BCAS3: variants seen among roughly 807,000 people sequenced by gnomAD.
BCAS3 encodes the protein BCAS4/BCAS3 fusion.
A neutral mutation model predicts 116.1 loss-of-function variants in BCAS3; 53 were observed. The ratio of observed to expected loss-of-function variants is 0.46; its 90% confidence interval spans 0.37 to 0.57. The LOEUF is 0.57. Among genes scored for constraint, BCAS3 ranks in the 20% least tolerant of loss-of-function variants. The pLI, the probability that BCAS3 is intolerant of heterozygous loss-of-function variation, is 0.00. For synonymous variants in BCAS3, 391 were observed against 408.2 expected (o/e 0.96, Z 0.51); for missense variants, 917 against 1,165.4 (o/e 0.79, Z 3.10).
At chr17:60,825,436 C>T (rs1416606837) in intron 7 of BCAS3, among the ~76,000 whole-genome samples, 2 of 150,130 alleles carry the variant, frequency 1.3e-5, no homozygotes, top group African/African-American at 2.4e-5. Flanking sequence ...TCAGAGTATG[C>T]TGGTGTCCTA....
chr17:61,149,237 A>G (rs2077411174), intron 22 of BCAS3, among the ~76,000 whole-genome samples: 1 of 152,010 alleles, frequency 6.6e-6, no homozygotes, highest in Admixed American at 6.6e-5. Context: ...GAGTTAATGC[A>G]CCTCCACAAA....
At position 61,075,511 on chromosome 17, in the gene BCAS3, C is replaced by T. The variant is rs548429548; in HGVS notation, c.2130+491C>T. On this transcript the variant is annotated intron_variant, in intron 20 of 23. Transcript: ENST00000407086. ...TGTATTTTTAGTAGAGAAGGGGTTT[C>T]GCCATGTTGGCCAGGTTGGTCTTGA... is the stretch of plus-strand genomic sequence containing the variant. Among the ~76,000 whole-genome samples, 94 of 152,124 alleles carry T rather than the reference C, an allele frequency of 6.2e-4. 1 individual carries two copies. In the East Asian group the frequency reaches 9.3e-3, roughly 15 times the overall value.
chr17:61,063,188 A>G lies in BCAS3; in HGVS notation c.2030-11732A>G, dbSNP rs1443908689. ...GCACCACTTCTGCCTTTTGGTAGCCATTGCTTTGATTGTGCTTCGTCTCTT... is the reference window on the plus strand; with the variant it reads ...GCACCACTTCTGCCTTTTGGTAGCCGTTGCTTTGATTGTGCTTCGTCTCTT... On this transcript the variant is annotated intron_variant, in intron 19 of 23. Transcript: ENST00000407086. The surrounding 1 kb of genome is among the most constrained non-coding windows in gnomAD (Gnocchi z 5.3). 6.6e-6 allele frequency among the ~76,000 whole-genome samples: 1 copy of G among 151,946 alleles called. No homozygotes were observed. The highest frequency in any genetic ancestry group is 1.5e-5 in the Non-Finnish European group (1 of 68,006).
intron 4 of BCAS3, among the ~76,000 whole-genome samples, chr17:60,707,258 G>A (rs2143989377): frequency 6.6e-6 from 1 of 151,312 alleles, no homozygotes; most frequent in East Asian, 1.9e-4. Context: ...CTCCCAAAGT[G>A]CTGGGATTAC....
chr17:60,876,055 A>G (rs949515451), intron 9 of BCAS3, among the ~76,000 whole-genome samples: 5 of 152,072 alleles, frequency 3.3e-5, no homozygotes, highest in Admixed American at 2.6e-4. Context: ...TTATATAATT[A>G]TCATCCAAAC....
rs372713654 is a variant in BCAS3 at position 61,255,158 on chromosome 17, G to A, written c.2426-113169G>A. Among the ~76,000 whole-genome samples, 22 of 152,230 alleles carry A rather than the reference G, an allele frequency of 1.4e-4. No homozygotes were observed. The East Asian group carries it at 1.9e-3, about 13-fold the overall frequency. ...GAAGTTTCACATGTTGCTCTTTTTG[G>A]AACTACCAGAGATTGGAACCAATTC... On this transcript the variant is annotated intron_variant, in intron 22 of 23. Coordinates refer to ENST00000407086, the MANE Select transcript of BCAS3 (RefSeq NM_017679.5).
intron 22 of BCAS3, among the ~76,000 whole-genome samples, chr17:61,170,592 G>A (rs938112332): frequency 5.9e-5 from 9 of 152,060 alleles, no homozygotes; most frequent in African/African-American, 1.9e-4. Flanking sequence ...GCGCCTGGCC[G>A]ATACGATGTA....
chr17:60,933,343 C>G (rs2059760635), intron 13 of BCAS3, among the ~76,000 whole-genome samples: 1 of 152,148 alleles, frequency 6.6e-6, no homozygotes, highest in Non-Finnish European at 1.5e-5. Flanking sequence ...ACCTTTAATT[C>G]AGTAAATAAT....
At chr17:61,331,635 A>T (rs1389191977) in intron 22 of BCAS3, among the ~76,000 whole-genome samples, 1 of 152,186 alleles carries the variant, frequency 6.6e-6, no homozygotes, top group African/African-American at 2.4e-5. Context: ...TCTATTTTTA[A>T]GTTTTTATTT....
chr17:60,739,430 G>A (rs2041307305), intron 5 of BCAS3, among the ~76,000 whole-genome samples: 1 of 152,040 alleles, frequency 6.6e-6, no homozygotes, highest in South Asian at 2.1e-4. Flanking sequence ...GACCAGCCTG[G>A]TCAATGTGGT....
intron 9 of BCAS3, among the ~76,000 whole-genome samples, chr17:60,888,193 A>T (rs2056867852): frequency 6.6e-6 from 1 of 152,210 alleles, no homozygotes. Context: ...GTAATTCTTG[A>T]GGTCCACTGA....
intron 19 of BCAS3, chr17:61,070,227 T>G: frequency 6.4e-7 from 1 of 1,552,018 alleles, no homozygotes; most frequent in South Asian, 1.1e-5. Context: ...TCTATGACAT[T>G]GATGTGGCCA....
rs2053568839 is a variant in BCAS3 at position 61,302,973 on chromosome 17, G to T, written c.2426-65354G>T. Among the ~76,000 whole-genome samples, 1 of 152,128 alleles carries T rather than the reference G, an allele frequency of 6.6e-6. No individual in the cohort carries two copies. Reference sequence around the variant, plus strand: ...CATCCATGGCTCTAGGATATTCAAAGCAAAAGATAGTTGAGGCAGCTCAAC... The same window carrying T: ...CATCCATGGCTCTAGGATATTCAAATCAAAAGATAGTTGAGGCAGCTCAAC... On this transcript the variant is annotated intron_variant, in intron 22 of 23. Coordinates refer to ENST00000407086, the MANE Select transcript of BCAS3 (RefSeq NM_017679.5). The surrounding 1 kb of genome is among the most constrained non-coding windows in gnomAD (Gnocchi z 4.4).
At position 61,077,137 on chromosome 17, in the gene BCAS3, T is replaced by TA. The variant is rs34966522; in HGVS notation, c.2131-1181dup. Among the ~76,000 whole-genome samples, 31,237 of 144,458 alleles carry TA rather than the reference T, an allele frequency of 0.22. 4,080 individuals carry two copies. Among genetic ancestry groups the TA allele is most frequent in the African/African-American group, 0.39 (15,580 of 40,016 alleles). The allele number at this position is 144,458 out of a possible 152,430, so 94.8% of individuals were successfully genotyped here. The stretch of plus-strand genomic sequence containing the variant: ...GTCTCTCATTCGAGTTGATTATTTG[T>TA]AAAAAAAAAAAAAAATCATGTAATA... On this transcript the variant is annotated intron_variant, in intron 20 of 23. Coordinates refer to ENST00000407086, the MANE Select transcript of BCAS3 (RefSeq NM_017679.5). The surrounding 1 kb of genome is among the most constrained non-coding windows in gnomAD (Gnocchi z 4.3).
intron 22 of BCAS3, among the ~76,000 whole-genome samples, chr17:61,274,450 G>A (rs1335336320): frequency 4.6e-5 from 7 of 151,732 alleles, no homozygotes; most frequent in African/African-American, 1.5e-4. Context: ...CACCACACCT[G>A]CCTAATTTTT....
At chr17:61,015,179 G>T (rs193145375) in intron 15 of BCAS3, among the ~76,000 whole-genome samples, 1 of 152,288 alleles carries the variant, frequency 6.6e-6, no homozygotes, top group East Asian at 1.9e-4. Context: ...CCTAAGCAGG[G>T]CAACAAACCA....
chr17:60,812,538 G>C (rs961267751), intron 7 of BCAS3, among the ~76,000 whole-genome samples: 1 of 152,242 alleles, frequency 6.6e-6, no homozygotes, highest in African/African-American at 2.4e-5. Flanking sequence ...TATCTGTTTG[G>C]GAGTGGTCCT....
chr17:60,680,433 C>G (rs964675311), intron 2 of BCAS3, among the ~76,000 whole-genome samples: 1 of 152,108 alleles, frequency 6.6e-6, no homozygotes, highest in South Asian at 2.1e-4. Context: ...CCGCTCCCAC[C>G]CAACTCTGAT....
At chr17:61,168,013 G>A (rs2078619853) in intron 22 of BCAS3, among the ~76,000 whole-genome samples, 1 of 152,046 alleles carries the variant, frequency 6.6e-6, no homozygotes, top group Non-Finnish European at 1.5e-5. Flanking sequence ...ATCATACGGC[G>A]CTGCCTGCCT....
Sources: allele counts gnomAD v4.1 joint callset (sites outside exome capture counted in the v4.1 genomes callset), GRCh38; gene constraint gnomAD v4.1.1; non-coding constraint Gnocchi (gnomAD v3.1); transcripts MANE v1.5; gene names NCBI Gene and HGNC (gene_info 2026-07-23, HGNC 2026-07-21).